The following TPSD1 variants were observed in gnomAD, a reference collection of about 807,000 sequenced individuals.
TPSD1 encodes the protein tryptase delta 1.
Under a neutral mutation model 25.4 loss-of-function variants are expected in TPSD1, and 30 were observed. That is an observed-to-expected ratio of 1.18 (90% confidence interval 0.88 to 1.60). TPSD1 has a LOEUF of 1.60. TPSD1 is among the 40% of genes most tolerant of loss of function. TPSD1 has a pLI of 0.00. For missense variants in TPSD1, 420 were observed against 324.2 expected (o/e 1.30, Z -2.27); for synonymous variants, 176 against 149.4 (o/e 1.18, Z -1.30).
chr16:1,257,364 G>A (rs2030998486), intron 3 of TPSD1: 3 of 487,198 alleles, frequency 6.2e-6, no homozygotes, highest in South Asian at 3.0e-5. Context: ...GCTATGTGGA[G>A]AGAGAAATCA....
intron 3 of TPSD1, chr16:1,257,490 G>T: frequency 3.8e-6 from 1 of 264,036 alleles, no homozygotes; most frequent in South Asian, 7.3e-5. Context: ...GCAGTGCTGT[G>T]GGGGGCTGGA....
rs370901168 is a variant in TPSD1, at chr16:1,256,339, C to T, written c.59C>T (p.Ala20Val). ...CTGCTGCTGGCGCTGCCCGTCCTGGCGAGCCCGGCCTACGTGGCCCCTGGT... is the reference window on the plus strand; with the variant it reads ...CTGCTGCTGGCGCTGCCCGTCCTGGTGAGCCCGGCCTACGTGGCCCCTGGT... ...SLLLLALPVL[A>V]SPAYVAPAPG... Residue 20 changes from alanine to valine, a missense_variant, in exon 1 of 5, where the codon GCG becomes GTG. Transcript: ENST00000211076. The T allele has an allele frequency of 1.5e-5, 24 of 1,613,212 alleles. No individual in the cohort carries two copies. Among genetic ancestry groups the T allele is most frequent in the African/African-American group, 5.3e-5 (4 of 74,936 alleles).
chr16:1,258,413 G>C lies in TPSD1; in HGVS notation c.*37G>C, dbSNP rs181825594. The C allele has an allele frequency of 1.2e-6, 2 of 1,613,300 alleles. No individual in the cohort carries two copies. The highest frequency in any genetic ancestry group is 1.7e-4 in the Middle Eastern group (1 of 6,058). On this transcript the variant is annotated 3_prime_UTR_variant, in exon 5 of 5. Coordinates refer to ENST00000211076, the MANE Select transcript of TPSD1 (RefSeq NM_012217.3). The stretch of plus-strand genomic sequence containing the variant: ...CGTGGTCAGCTGGGAGGAGAGCTGT[G>C]CCCAGCCCAACCGGCCTGGCATCTA...
At position 1,256,987 on chromosome 16, in the gene TPSD1, C is replaced by G; in HGVS notation, c.445C>G (p.Leu149Val). The G allele has an allele frequency of 6.2e-7, 1 of 1,613,742 alleles. No homozygotes were observed. The highest frequency in any genetic ancestry group is 1.7e-5 in the Admixed American group (1 of 59,970). ...CTCCAGCCACATCCACACGGTCACG[C>G]TGCCCCCTGCCTCGGAGACCTTCCC... ...NISSHIHTVT[L>V]PPASETFPPG... Residue 149 changes from leucine (L) to valine (V), a missense_variant, in exon 3 of 5, where the codon CTG becomes GTG. Physicochemically the swap from Leu to Val is conservative, Grantham distance 32. Coordinates refer to ENST00000211076, the MANE Select transcript of TPSD1 (RefSeq NM_012217.3).
Position 1,258,042 on chromosome 16 carries a change from C to T in TPSD1, c.521-17C>T, listed in dbSNP as rs778229136. 6 of 1,561,254 alleles carry T rather than the reference C, an allele frequency of 3.8e-6. No homozygotes were observed. The highest frequency in any genetic ancestry group is 2.1e-4 in the Middle Eastern group (1 of 4,758). On this transcript the variant is annotated splice_polypyrimidine_tract_variant and intron_variant, in intron 3 of 4. Coordinates refer to ENST00000211076, the MANE Select transcript of TPSD1 (RefSeq NM_012217.3). ...AGCCGGCCCCAGACCCGGCTCCACG[C>T]CCCCCTCCGCCCCCAGTGCACCTGC...
At position 1,258,081 on chromosome 16, in the gene TPSD1, G is replaced by T; in HGVS notation, c.543G>T (p.Pro181=). ...DNNVHLPPPY[P]LKEVEVPVVE... ...CAGTGCACCTGCCGCCGCCATACCC[G>T]CTGAAGGAGGTGGAAGTCCCCGTAG... The change falls in exon 4 of 5, where the codon CCG becomes CCT. Residue 181 remains proline (P), a synonymous_variant. Coordinates refer to ENST00000211076, the MANE Select transcript of TPSD1 (RefSeq NM_012217.3). The T allele has an allele frequency of 1.3e-6, 2 of 1,593,844 alleles. No individual in the cohort carries two copies. The highest frequency in any genetic ancestry group is 1.7e-6 in the Non-Finnish European group (2 of 1,170,898).
chr16:1,256,631 C>G lies in TPSD1; in HGVS notation c.198C>G (p.Cys66Trp). ...RVRGPYWMHF[C>W]GGSLIHPQWV... is the part of the protein sequence containing the mutation. Reference sequence around the variant, plus strand: ...GCGGCCCATACTGGATGCACTTCTGCGGGGGCTCCCTCATCCACCCCCAGT... The same window carrying G: ...GCGGCCCATACTGGATGCACTTCTGGGGGGGCTCCCTCATCCACCCCCAGT... The change falls in exon 2 of 5, where the codon TGC becomes TGG. Residue 66 changes from cysteine (C) to tryptophan (W), a missense_variant. Cys to Trp is a radical substitution (Grantham distance 215). Transcript: ENST00000211076. The G allele has an allele frequency of 6.4e-7, 1 of 1,569,268 alleles. No homozygotes were observed. Among genetic ancestry groups the G allele is most frequent in the Non-Finnish European group, 8.6e-7 (1 of 1,160,754 alleles).
intron 3 of TPSD1, among the ~76,000 whole-genome samples, chr16:1,257,635 C>T (rs548947015): frequency 6.6e-6 from 1 of 152,322 alleles, no homozygotes; most frequent in East Asian, 1.9e-4. Flanking sequence ...CTGGGTCACT[C>T]AGAAGGGGCC....
chr16:1,258,166 C>G lies in TPSD1; in HGVS notation c.628C>G (p.Gln210Glu). The change falls in exon 4 of 5, where the codon CAA becomes GAA. Residue 210 changes from glutamine (Q) to glutamate (E), a missense_variant. Transcript: ENST00000211076. ...CGGCCTCCATACGGGCCACAGCTTT[C>G]AAATCGTCCGCGATGACATGCTGTG... ...HTGLHTGHSF[Q>E]IVRDDMLCAG... The G allele has an allele frequency of 4.3e-6, 7 of 1,613,004 alleles. No homozygotes were observed. Among genetic ancestry groups the G allele is most frequent in the Non-Finnish European group, 5.9e-6 (7 of 1,179,828 alleles).
At position 1,256,582 on chromosome 16, in the gene TPSD1, C is replaced by G; in HGVS notation, c.149C>G (p.Pro50Arg). Residue 50 changes from proline (P) to arginine (R), a missense_variant, in exon 2 of 5, where the codon CCC becomes CGC. By Grantham distance (103) the Pro-to-Arg change is moderately radical. Coordinates refer to ENST00000211076, the MANE Select transcript of TPSD1 (RefSeq NM_012217.3). ...GGQEAPRSKWPWQVSLRVRGP... is the reference protein window; with the variant it reads ...GGQEAPRSKWRWQVSLRVRGP... ...CAGGAGGCCCCCAGGAGCAAGTGGC[C>G]CTGGCAGGTGAGCCTGAGAGTCCGC... is the stretch of plus-strand genomic sequence containing the variant. The G allele has an allele frequency of 6.2e-7, 1 of 1,612,656 alleles. No homozygotes were observed. The highest frequency in any genetic ancestry group is 8.5e-7 in the Non-Finnish European group (1 of 1,179,746).
At position 1,256,669 on chromosome 16, in the gene TPSD1, C is replaced by G. The variant is rs775572435; in HGVS notation, c.236C>G (p.Ala79Gly). 1.1e-5 allele frequency: 18 copies of G among 1,611,780 alleles called. No homozygotes were observed. In the African/African-American group the frequency reaches 2.1e-4, roughly 19 times the overall value. The change falls in exon 2 of 5, where the codon GCG becomes GGG. Residue 79 changes from alanine (A) to glycine (G), a missense_variant. Ala to Gly is a moderately conservative substitution (Grantham distance 60, BLOSUM62 0). Coordinates refer to ENST00000211076, the MANE Select transcript of TPSD1 (RefSeq NM_012217.3). ...SLIHPQWVLT[A>G]AHCVEPDIKD... ...ATCCACCCCCAGTGGGTGCTAACCG[C>G]GGCGCACTGCGTGGAACCGTGAGTC...
At chr16:1,257,675 A>G (rs2242600) in intron 3 of TPSD1, among the ~76,000 whole-genome samples, 49,269 of 150,194 alleles carry the variant, frequency 0.33, 8,920 homozygotes, top group East Asian at 0.85. Context: ...TCCGCCCCAC[A>G]CAGCGGGGAA....
rs567240790 is a variant in TPSD1, at chr16:1,257,991, G to T, written c.521-68G>T. On this transcript the variant is annotated intron_variant, in intron 3 of 4. Coordinates refer to ENST00000211076, the MANE Select transcript of TPSD1 (RefSeq NM_012217.3). ...TGCCATCTCCCCTGCCCGTGACTCT[G>T]CCACCAAGTCCACGAAGCAGCACCC... The T allele has an allele frequency of 6.9e-5, 104 of 1,504,900 alleles. 1 individual carries two copies. The East Asian group carries it at 1.8e-3, about 26-fold the overall frequency. The allele number at this position is 1,504,900 out of a possible 1,614,324, so 93.2% of individuals were successfully genotyped here.
Position 1,258,143 on chromosome 16 carries a change from G to T in TPSD1, c.605G>T (p.Gly202Val). 1 of 1,611,936 alleles carries T rather than the reference G, an allele frequency of 6.2e-7. No homozygotes were observed. Among genetic ancestry groups the T allele is most frequent in the Non-Finnish European group, 8.5e-7 (1 of 1,179,476 alleles). The change falls in exon 4 of 5, where the codon GGC (glycine) becomes GTC (valine). Residue 202 changes from glycine to valine, a missense_variant. Coordinates refer to ENST00000211076, the MANE Select transcript of TPSD1 (RefSeq NM_012217.3). Reference protein sequence around the residue: ...NHLCNAEYHTGLHTGHSFQIV... With the variant: ...NHLCNAEYHTVLHTGHSFQIV... ...CTTTGCAACGCGGAATATCACACCG[G>T]CCTCCATACGGGCCACAGCTTTCAA...
rs1348342105 is a variant in TPSD1, at chr16:1,256,525, A to T, written c.92A>T (p.Gln31Leu). 1 of 1,608,994 alleles carries T rather than the reference A, an allele frequency of 6.2e-7. No homozygotes were observed. Among genetic ancestry groups the T allele is most frequent in the Admixed American group, 1.7e-5 (1 of 59,670 alleles). ...CTGGCACCTGCCCCAGCCCCAGGCC[A>T]GGCCCTGCAGCAAACGGGCATTGTT... ...SPAYVAPAPGQALQQTGIVGG... is the reference protein window; with the variant it reads ...SPAYVAPAPGLALQQTGIVGG... The change falls in exon 2 of 5, where the codon CAG becomes CTG. Residue 31 changes from glutamine (Q) to leucine (L), a missense_variant. By Grantham distance (113) the Gln-to-Leu change is moderately radical. Transcript: ENST00000211076.
intron 1 of TPSD1, 69 bp downstream of exon 1, chr16:1,256,431 G>C (rs1251324074): frequency 3.7e-6 from 6 of 1,610,262 alleles, no homozygotes; most frequent in Non-Finnish European, 5.1e-6. Context: ...GTGGGTTCTG[G>C]GGAGGCCGGG....
chr16:1,258,147 C>A lies in TPSD1; in HGVS notation c.609C>A (p.Leu203=). Residue 203 remains leucine, a synonymous_variant, in exon 4 of 5, where the codon CTC becomes CTA. Transcript: ENST00000211076. Reference sequence around the variant, plus strand: ...GCAACGCGGAATATCACACCGGCCTCCATACGGGCCACAGCTTTCAAATCG... The same window carrying A: ...GCAACGCGGAATATCACACCGGCCTACATACGGGCCACAGCTTTCAAATCG... ...HLCNAEYHTG[L]HTGHSFQIVR... 2.5e-6 allele frequency: 4 copies of A among 1,612,042 alleles called. No homozygotes were observed. Among genetic ancestry groups the A allele is most frequent in the Non-Finnish European group, 3.4e-6 (4 of 1,179,584 alleles).
In TPSD1 at chr16:1,256,546, T is replaced by G. The variant is rs1396087566; in HGVS notation, c.113T>G (p.Ile38Ser). The G allele has an allele frequency of 3.1e-6, 5 of 1,600,706 alleles. No homozygotes were observed. The highest frequency in any genetic ancestry group is 4.2e-6 in the Non-Finnish European group (5 of 1,176,892). Reference sequence around the variant, plus strand: ...GGCCAGGCCCTGCAGCAAACGGGCATTGTTGGGGGGCAGGAGGCCCCCAGG... The same window carrying G: ...GGCCAGGCCCTGCAGCAAACGGGCAGTGTTGGGGGGCAGGAGGCCCCCAGG... ...APGQALQQTG[I>S]VGGQEAPRSK... The change falls in exon 2 of 5, where the codon ATT (isoleucine) becomes AGT (serine). Residue 38 changes from isoleucine (I) to serine (S), a missense_variant. Ile to Ser is a moderately radical substitution (Grantham distance 142, BLOSUM62 -2). Transcript: ENST00000211076.
chr16:1,256,943 T>C lies in TPSD1; in HGVS notation c.401T>C (p.Leu134Pro), dbSNP rs199928926. 8.7e-5 allele frequency: 140 copies of C among 1,613,832 alleles called. No homozygotes were observed. Among genetic ancestry groups the C allele is most frequent in the Non-Finnish European group, 5.3e-5 (62 of 1,180,024 alleles). ...QTGADIALLE[L>P]EEPVNISSHI... ...GGGGCGGACATCGCCCTGCTGGAGCTGGAGGAGCCCGTGAACATCTCCAGC... is the reference window on the plus strand; with the variant it reads ...GGGGCGGACATCGCCCTGCTGGAGCCGGAGGAGCCCGTGAACATCTCCAGC... The change falls in exon 3 of 5, where the codon CTG (leucine) becomes CCG (proline). Residue 134 changes from leucine to proline, a missense_variant. Coordinates refer to ENST00000211076, the MANE Select transcript of TPSD1 (RefSeq NM_012217.3).
Sources: allele counts gnomAD v4.1 joint callset (sites outside exome capture counted in the v4.1 genomes callset), GRCh38; gene constraint gnomAD v4.1.1; transcripts MANE v1.5; gene names NCBI Gene and HGNC (gene_info 2026-07-23, HGNC 2026-07-21).